Variants in VDR observed in about 807,000 individuals in gnomAD.
VDR encodes the protein vitamin D3 receptor.
Under a neutral mutation model 39.7 loss-of-function variants are expected in VDR, and 19 were observed. That is an observed-to-expected ratio of 0.48 (90% confidence interval 0.33 to 0.70). The LOEUF is 0.70. VDR is among the 30% of genes least tolerant of loss of function. The pLI, the probability that VDR is intolerant of heterozygous loss-of-function variation, is 0.02. For missense variants in VDR, 442 were observed against 570.5 expected (o/e 0.77, Z 2.29); for synonymous variants, 242 against 215.8 (o/e 1.12, Z -1.07).
intron 9 of VDR, among the ~76,000 whole-genome samples, chr12:47,845,529 ATTAATAATTAAATAACATTTGT>A (rs980297322): frequency 1.3e-5 from 2 of 152,102 alleles, no homozygotes; most frequent in Non-Finnish European, 2.9e-5. Flanking sequence ...CTTGTTAGGA[ATTAATAATTAAATAACATTTGT>A]TTAATGTTTC....
intron 3 of VDR, among the ~76,000 whole-genome samples, chr12:47,867,413 G>A (rs1945760079): frequency 6.7e-6 from 1 of 149,034 alleles, no homozygotes; most frequent in African/African-American, 2.5e-5. Flanking sequence ...TGTAAGTTGT[G>A]TGTGTGTGTG....
intron 4 of VDR, among the ~76,000 whole-genome samples, chr12:47,864,008 T>A (rs1945676336): frequency 6.6e-6 from 1 of 152,156 alleles, no homozygotes; most frequent in South Asian, 2.1e-4. Flanking sequence ...AACGGTCCCA[T>A]AGCCAGGAGG....
intron 1 of VDR, among the ~76,000 whole-genome samples, chr12:47,902,576 G>C (rs980009793): frequency 7.2e-5 from 11 of 152,214 alleles, no homozygotes; most frequent in Non-Finnish European, 1.3e-4. Context: ...ATCCAAAACA[G>C]AATTGCAGCA....
At chr12:47,890,305 G>A (rs1946343348) in intron 1 of VDR, among the ~76,000 whole-genome samples, 1 of 149,188 alleles carries the variant, frequency 6.7e-6, no homozygotes, top group Admixed American at 6.7e-5. Flanking sequence ...AGAAACCCCA[G>A]AAAGGTTATT....
At chr12:47,871,628 C>T (rs1945882386) in intron 3 of VDR, among the ~76,000 whole-genome samples, 1 of 151,918 alleles carries the variant, frequency 6.6e-6, no homozygotes, top group Non-Finnish European at 1.5e-5. Context: ...CACGCCTGGC[C>T]AATTTTTTGT....
chr12:47,886,283 G>A (rs181515616), intron 1 of VDR, among the ~76,000 whole-genome samples: 20 of 152,246 alleles, frequency 1.3e-4, no homozygotes, highest in African/African-American at 2.2e-4. Context: ...GCTATTTTTC[G>A]TTTCATCATC....
chr12:47,850,659 T>C (rs1945366669), intron 7 of VDR, among the ~76,000 whole-genome samples: 1 of 151,822 alleles, frequency 6.6e-6, no homozygotes, highest in Middle Eastern at 3.2e-3. Flanking sequence ...GTGGTGGGAG[T>C]AGAGGTGGAG....
At chr12:47,868,019 C>G (rs769441036) in intron 3 of VDR, among the ~76,000 whole-genome samples, 25 of 152,172 alleles carry the variant, frequency 1.6e-4, no homozygotes, top group Non-Finnish European at 3.2e-4. Flanking sequence ...GCCCAAGAGA[C>G]CGTCAGTGTA....
At chr12:47,882,961 C>T in intron 1 of VDR, 187 bp from the exon 2 acceptor site, 1 of 537,642 alleles carries the variant, frequency 1.9e-6, no homozygotes, top group African/African-American at 2.0e-5. Context: ...GGGGTGGCGG[C>T]TGGGCAGCAG....
chr12:47,863,272 G>A (rs1945661651), intron 4 of VDR, among the ~76,000 whole-genome samples: 1 of 152,214 alleles, frequency 6.6e-6, no homozygotes, highest in South Asian at 2.1e-4. Flanking sequence ...CAGACCTGAG[G>A]TCTTTACCTC....
chr12:47,849,892 C>G (rs556330733), intron 7 of VDR, among the ~76,000 whole-genome samples: 3 of 151,774 alleles, frequency 2.0e-5, no homozygotes, highest in Non-Finnish European at 2.9e-5. Context: ...GCTCTGTCAC[C>G]CAGGCTGGAG....
At chr12:47,904,462 TAAAAAAAA>T (rs17886628) in intron 1 of VDR, 172 of 360,322 alleles carry the variant, frequency 4.8e-4, no homozygotes, top group African/African-American at 3.4e-3. Flanking sequence ...CAAAGAAAAG[TAAAAAAAA>T]AAAAAAAAAA....
intron 3 of VDR, among the ~76,000 whole-genome samples, chr12:47,875,920 T>C (rs1026879505): frequency 2.6e-5 from 4 of 152,162 alleles, no homozygotes; most frequent in Non-Finnish European, 5.9e-5. Flanking sequence ...CACACATAGT[T>C]TCCCTGTGAG....
chr12:47,845,228 G>A (rs1286409299), intron 9 of VDR, among the ~76,000 whole-genome samples: 1 of 151,924 alleles, frequency 6.6e-6, no homozygotes, highest in African/African-American at 2.4e-5. Flanking sequence ...GGCGCACCTG[G>A]CCCTGTCCCT....
At chr12:47,882,233 C>A (rs1418157277) in intron 2 of VDR, among the ~76,000 whole-genome samples, 1 of 152,060 alleles carries the variant, frequency 6.6e-6, no homozygotes, top group Non-Finnish European at 1.5e-5. Flanking sequence ...GTGAATGAGA[C>A]CATTTCAGGG....
At position 47,857,182 on chromosome 12, in the gene VDR, C is replaced by T; in HGVS notation, c.530G>A (p.Ser177Asn). Residue 177 changes from serine (S) to asparagine (N), a missense_variant, in exon 6 of 10, where the codon AGC becomes AAC. By Grantham distance (46) the Ser-to-Asn change is conservative. Coordinates refer to ENST00000549336, the MANE Select transcript of VDR (RefSeq NM_000376.3). Reference sequence around the variant, plus strand: ...GGAGGAGGAGGAGTCCCCAGAGAAGCTGGGAGTGTGTCTGGAGTTGGGCCT... The same window carrying T: ...GGAGGAGGAGGAGTCCCCAGAGAAGTTGGGAGTGTGTCTGGAGTTGGGCCT... ...PSRPNSRHTPSFSGDSSSSCS... is the reference protein window; with the variant it reads ...PSRPNSRHTPNFSGDSSSSCS... 6.2e-7 allele frequency: 1 copy of T among 1,614,146 alleles called. No individual in the cohort carries two copies. The highest frequency in any genetic ancestry group is 1.1e-5 in the South Asian group (1 of 91,070).
intron 1 of VDR, among the ~76,000 whole-genome samples, chr12:47,884,269 A>G: frequency 6.6e-6 from 1 of 152,150 alleles, no homozygotes; most frequent in Non-Finnish European, 1.5e-5. Context: ...TTTCCGGAGT[A>G]TTTACTACAT....
At chr12:47,888,119 G>A (rs963481353) in intron 1 of VDR, among the ~76,000 whole-genome samples, 16 of 152,296 alleles carry the variant, frequency 1.1e-4, no homozygotes, top group Middle Eastern at 3.4e-3. Context: ...TTACATGGCA[G>A]TGGCAACGGA....
rs765762631 is a variant in VDR, at chr12:47,844,866, G to A, written c.1164C>T (p.Ala388=). The stretch of plus-strand genomic sequence containing the variant: ...GCTCCTCATTGAGGCTGCGCAGGTC[G>A]GCTAGCTTCTGGATCATCTTGGCAT... ...LLYAKMIQKL[A]DLRSLNEEHS... is the part of the protein sequence containing the mutation. The change falls in exon 10 of 10, where the codon GCC becomes GCT. Residue 388 remains alanine, a synonymous_variant. Transcript: ENST00000549336. 5.6e-6 allele frequency: 9 copies of A among 1,614,056 alleles called. No homozygotes were observed. Among genetic ancestry groups the A allele is most frequent in the African/African-American group, 1.3e-5 (1 of 74,916 alleles).
Sources: allele counts gnomAD v4.1 joint callset (sites outside exome capture counted in the v4.1 genomes callset), GRCh38; gene constraint gnomAD v4.1.1; transcripts MANE v1.5; gene names NCBI Gene and HGNC (gene_info 2026-07-23, HGNC 2026-07-21).